Variants in PARP8 observed in about 807,000 individuals in gnomAD.
PARP8 encodes poly(ADP-ribose) polymerase family member 8.
A neutral mutation model predicts 124.1 loss-of-function variants in PARP8; 51 were observed. The ratio of observed to expected loss-of-function variants is 0.41; its 90% CI spans 0.33 to 0.52. PARP8 has a LOEUF of 0.52. Ranked by LOEUF, PARP8 falls within the 20% of genes least tolerant of loss-of-function variation. PARP8 has a pLI of 0.21. For synonymous variants in PARP8, 391 were observed against 361.5 expected (o/e 1.08, Z -0.93); for missense variants, 860 against 1,018.9 (o/e 0.84, Z 2.12).
intron 2 of PARP8, among the ~76,000 whole-genome samples, chr5:50,706,169 A>C (rs551637771): frequency 1.2e-4 from 19 of 152,236 alleles, no homozygotes; most frequent in African/African-American, 3.9e-4. Flanking sequence ...GTTATATGTT[A>C]AATCATATCC....
rs1321046310 is a variant in PARP8, at chr5:50,845,479, C to T, written c.*3411C>T. The T allele has an allele frequency of 6.6e-6, 1 of 151,720 alleles. No homozygotes were observed. The highest frequency in any genetic ancestry group is 2.4e-5 in the African/African-American group (1 of 41,374). The allele number at this position is 151,720 out of a possible 1,614,324, so 9.4% of individuals were successfully genotyped here. On this transcript the variant is annotated 3_prime_UTR_variant, in exon 26 of 26. Coordinates refer to ENST00000281631, the MANE Select transcript of PARP8 (RefSeq NM_024615.4). ...TCTTGCTGAATTCTTTATTATAACACTACCTCAAGACAAATGATAGACTGT... is the reference window on the plus strand; with the variant it reads ...TCTTGCTGAATTCTTTATTATAACATTACCTCAAGACAAATGATAGACTGT...
chr5:50,801,090 ATTAG>A (rs1743167564), intron 14 of PARP8, among the ~76,000 whole-genome samples: 1 of 151,732 alleles, frequency 6.6e-6, no homozygotes, highest in Non-Finnish European at 1.5e-5. Flanking sequence ...CAATTTCTTT[ATTAG>A]TTATAGGGCT....
chr5:50,808,087 T>C (rs928246193), intron 14 of PARP8, among the ~76,000 whole-genome samples: 1 of 151,960 alleles, frequency 6.6e-6, no homozygotes, highest in Non-Finnish European at 1.5e-5. Flanking sequence ...AACACCCAGT[T>C]ATAATTTGGT....
chr5:50,726,580 A>T (rs1243216890), intron 2 of PARP8, among the ~76,000 whole-genome samples: 1 of 152,188 alleles, frequency 6.6e-6, no homozygotes, highest in Non-Finnish European at 1.5e-5. Flanking sequence ...CATTTAACAA[A>T]GTTGTCTTGA....
chr5:50,760,234 G>T, intron 4 of PARP8, 58 bp from the exon 5 acceptor site: 1 of 1,332,106 alleles, frequency 7.5e-7, no homozygotes, highest in South Asian at 1.6e-5. Flanking sequence ...ACTTATGAAT[G>T]CTTGGTAAAT....
chr5:50,796,871 A>G (rs1228354208), intron 12 of PARP8, 111 bp from the exon 13 acceptor site: 4 of 903,040 alleles, frequency 4.4e-6, no homozygotes, highest in Non-Finnish European at 6.6e-6. Context: ...TTCATATTTC[A>G]TGTGATCTTA....
At chr5:50,718,550 T>C (rs1354620445) in intron 2 of PARP8, among the ~76,000 whole-genome samples, 1 of 151,938 alleles carries the variant, frequency 6.6e-6, no homozygotes, top group African/African-American at 2.4e-5. Context: ...AGCTCCGACA[T>C]ATGAGTGAGA....
At chr5:50,818,084 A>G (rs1313129576) in intron 15 of PARP8, among the ~76,000 whole-genome samples, 1 of 152,034 alleles carries the variant, frequency 6.6e-6, no homozygotes, top group Non-Finnish European at 1.5e-5. Context: ...ATATGTGTGT[A>G]ACTTGTTGTC....
intron 2 of PARP8, among the ~76,000 whole-genome samples, chr5:50,725,300 G>A (rs1006547745): frequency 4.0e-5 from 6 of 151,506 alleles, no homozygotes; most frequent in South Asian, 2.1e-4. Flanking sequence ...AATTTTTGTC[G>A]ATGTAATAGT....
At chr5:50,788,713 G>T in intron 10 of PARP8, 124 bp downstream of exon 10, 1 of 758,294 alleles carries the variant, frequency 1.3e-6, no homozygotes. Context: ...TCCCTCAAGA[G>T]AGGAAATCAT....
At chr5:50,748,193 TTG>T (rs56898029) in intron 2 of PARP8, among the ~76,000 whole-genome samples, 48,093 of 150,064 alleles carry the variant, frequency 0.32, 8,229 homozygotes, top group African/African-American at 0.45. Flanking sequence ...TTTAAGCAGT[TTG>T]TGTGTGTGTG....
intron 14 of PARP8, among the ~76,000 whole-genome samples, chr5:50,814,512 T>C (rs1021625716): frequency 7.2e-5 from 11 of 152,122 alleles, no homozygotes; most frequent in African/African-American, 1.7e-4. Context: ...TCATTTTTTT[T>C]CCCTAAAATT....
At chr5:50,684,743 G>C (rs116786621) in intron 2 of PARP8, among the ~76,000 whole-genome samples, 6,588 of 152,140 alleles carry the variant, frequency 0.043, 455 homozygotes, top group African/African-American at 0.15. Flanking sequence ...TAATTATCAG[G>C]ATGGCTACTC....
intron 2 of PARP8, among the ~76,000 whole-genome samples, chr5:50,687,744 G>A (rs753947587): frequency 9.2e-5 from 14 of 152,084 alleles, no homozygotes; most frequent in African/African-American, 2.2e-4. Context: ...AAACTCCCCC[G>A]TATAATAACT....
chr5:50,719,384 C>T lies in PARP8; in HGVS notation c.147-30767C>T, dbSNP rs546713520. Among the ~76,000 whole-genome samples, 271 of 152,098 alleles carry T rather than the reference C, an allele frequency of 1.8e-3. 1 individual carries two copies. The highest frequency in any genetic ancestry group is 6.2e-3 in the African/African-American group (258 of 41,534). The stretch of plus-strand genomic sequence containing the variant: ...GGTTACCTATGCTTTTGATGTCTTA[C>T]TTAAGAAATCTTTGCCCAGAACAAT... On this transcript the variant is annotated intron_variant, in intron 2 of 25. Coordinates refer to ENST00000281631, the MANE Select transcript of PARP8 (RefSeq NM_024615.4).
chr5:50,667,121 G>T lies in PARP8; in HGVS notation c.26G>T (p.Arg9Leu). The part of the protein sequence containing the change: MGMCSRQE[R>L]IQKDIDVVIQ... ...ATGGGGATGTGTTCAAGGCAAGAGC[G>T]AATTCAGAAGGATATCGACGTCGTG... is the stretch of plus-strand genomic sequence containing the variant. The change falls in exon 1 of 26, where the codon CGA becomes CTA. Residue 9 changes from arginine to leucine, a missense_variant. Physicochemically the swap from Arg to Leu is moderately radical, Grantham distance 102. This residue lies in a region of PARP8 where 517 missense variants were observed against 544.2 expected (regional missense o/e 0.95). Transcript: ENST00000281631. 6.3e-7 allele frequency: 1 copy of T among 1,596,370 alleles called. No homozygotes were observed. Among genetic ancestry groups the T allele is most frequent in the Non-Finnish European group, 8.5e-7 (1 of 1,179,730 alleles).
At chr5:50,840,317 T>G (rs1748045086) in intron 25 of PARP8, among the ~76,000 whole-genome samples, 1 of 151,836 alleles carries the variant, frequency 6.6e-6, no homozygotes, top group Non-Finnish European at 1.5e-5. Context: ...TGAAAACCAC[T>G]CATTTAGATG....
chr5:50,810,293 G>A (rs1439593718), intron 14 of PARP8, among the ~76,000 whole-genome samples: 1 of 151,882 alleles, frequency 6.6e-6, no homozygotes, highest in African/African-American at 2.4e-5. Flanking sequence ...GGGACTAATA[G>A]TCTTTTTGTG....
At chr5:50,735,759 A>G (rs1425420779) in intron 2 of PARP8, among the ~76,000 whole-genome samples, 1 of 152,262 alleles carries the variant, frequency 6.6e-6, no homozygotes, top group Middle Eastern at 3.4e-3. Context: ...AGAAAGAAGC[A>G]TTAATCTGAT....
Sources: allele counts gnomAD v4.1 joint callset (sites outside exome capture counted in the v4.1 genomes callset), GRCh38; gene constraint gnomAD v4.1.1; regional missense constraint gnomAD v4.1.1; transcripts MANE v1.5; gene names NCBI Gene and HGNC (gene_info 2026-07-23, HGNC 2026-07-21).